The following PLSCR2 variants were observed in gnomAD, a reference collection of about 807,000 sequenced individuals.
PLSCR2 encodes PL scramblase 2.
PLSCR2 carries 18 observed loss-of-function variants against 25.3 expected under a neutral mutation model. The observed-to-expected ratio is 0.71, with a 90% CI of 0.49 to 1.06. PLSCR2 has a LOEUF of 1.06. Among genes scored for constraint, PLSCR2 ranks in the 50% least tolerant of loss-of-function variants. The probability of loss-of-function intolerance (pLI) is 0.00; values close to 1 mark genes in which losing one functional copy is unlikely to be tolerated. For synonymous variants in PLSCR2, 88 were observed against 87.3 expected (o/e 1.01, Z -0.04); for missense variants, 243 against 269.5 (o/e 0.90, Z 0.69).
chr3:146,408,421 C>T (rs751932253), intron 2 of PLSCR2, among the ~76,000 whole-genome samples: 28 of 152,296 alleles, frequency 1.8e-4, no homozygotes, highest in Non-Finnish European at 3.5e-4. Flanking sequence ...CGGGCCATTT[C>T]ATCCTGCACC....
intron 3 of PLSCR2, among the ~76,000 whole-genome samples, chr3:146,457,677 T>G (rs1321325154): frequency 6.6e-6 from 1 of 152,228 alleles, no homozygotes; most frequent in Admixed American, 6.5e-5. Flanking sequence ...GGAAATGTAC[T>G]AAGGTAACTA....
chr3:146,445,964 T>C (rs1016168432), intron 6 of PLSCR2, among the ~76,000 whole-genome samples: 1 of 152,220 alleles, frequency 6.6e-6, no homozygotes, highest in Non-Finnish European at 1.5e-5. Context: ...ATCAATTGCA[T>C]TATTCAACTC....
intron 1 of PLSCR2, among the ~76,000 whole-genome samples, chr3:146,490,469 G>A (rs1210540405): frequency 1.3e-5 from 2 of 152,034 alleles, no homozygotes; most frequent in Admixed American, 1.3e-4. Flanking sequence ...CCCTATTATT[G>A]TGATTATCTA....
At chr3:146,462,127 G>A (rs2108431309), upstream of PLSCR2, among the ~76,000 whole-genome samples, 1 of 151,918 alleles carries the variant, frequency 6.6e-6, no homozygotes, top group Non-Finnish European at 1.5e-5. Flanking sequence ...ACAACTGTTG[G>A]AACAAGATAT....
intron 2 of PLSCR2, chr3:146,415,010 C>T (rs1208539177): frequency 6.6e-6 from 1 of 152,562 alleles, no homozygotes; most frequent in Non-Finnish European, 1.5e-5. Flanking sequence ...TTCAGGTTTG[C>T]AAGGTTTAGC....
intron 1 of PLSCR2, among the ~76,000 whole-genome samples, chr3:146,479,318 A>G (rs2043045647): frequency 6.6e-6 from 1 of 152,196 alleles, no homozygotes; most frequent in African/African-American, 2.4e-5. Context: ...AAGAGTCAAG[A>G]CCCATCAGTG....
chr3:146,462,282 A>T (rs1298727378), upstream of PLSCR2, among the ~76,000 whole-genome samples: 1 of 151,778 alleles, frequency 6.6e-6, no homozygotes, highest in Non-Finnish European at 1.5e-5. Context: ...TATGGAGACA[A>T]GGTCTCATTA....
At chr3:146,454,719 C>G (rs2041096653) in intron 4 of PLSCR2, among the ~76,000 whole-genome samples, 1 of 152,034 alleles carries the variant, frequency 6.6e-6, no homozygotes, top group South Asian at 2.1e-4. Flanking sequence ...TTAGGATATC[C>G]CTTTTGCAGA....
chr3:146,448,583 A>T (rs920021467), intron 6 of PLSCR2, among the ~76,000 whole-genome samples: 2 of 152,020 alleles, frequency 1.3e-5, no homozygotes, highest in African/African-American at 2.4e-5. Flanking sequence ...GTTTCCATAA[A>T]CCTCAACTTT....
intron 2 of PLSCR2, chr3:146,415,084 A>G (rs756984727): frequency 6.6e-6 from 1 of 152,670 alleles, no homozygotes; most frequent in Non-Finnish European, 1.5e-5. Context: ...AAAACAAGTT[A>G]TATCTTAAAG....
At chr3:146,393,633 A>ACTT (rs778391862) in intron 3 of PLSCR2, among the ~76,000 whole-genome samples, 1 of 151,638 alleles carries the variant, frequency 6.6e-6, no homozygotes, top group East Asian at 2.0e-4. Flanking sequence ...ACATGGTGAA[A>ACTT]CTTCTTCTCT....
chr3:146,409,905 C>T (rs2038789238), intron 2 of PLSCR2, among the ~76,000 whole-genome samples: 1 of 152,136 alleles, frequency 6.6e-6, no homozygotes, highest in Non-Finnish European at 1.5e-5. Context: ...AGAAAAACTA[C>T]AACAGCTAAT....
intron 3 of PLSCR2, among the ~76,000 whole-genome samples, chr3:146,393,025 TC>T (rs1479206234): frequency 4.4e-5 from 6 of 136,814 alleles, no homozygotes; most frequent in African/African-American, 1.1e-4. Flanking sequence ...TTATTTACAT[TC>T]CTTTTTTTTT....
chr3:146,482,617 C>T (rs905533661), intron 1 of PLSCR2, among the ~76,000 whole-genome samples: 4 of 152,188 alleles, frequency 2.6e-5, no homozygotes, highest in South Asian at 2.1e-4. Flanking sequence ...AACACTTTTA[C>T]ACTGTTGGTG....
chr3:146,416,591 C>T (rs1158406583), intron 2 of PLSCR2: 1 of 152,138 alleles, frequency 6.6e-6, no homozygotes, highest in African/African-American at 2.4e-5. Flanking sequence ...TAGCCATAAA[C>T]TGGATTATGT....
At chr3:146,426,454 G>T (rs1559984050) in intron 2 of PLSCR2, among the ~76,000 whole-genome samples, 1 of 152,034 alleles carries the variant, frequency 6.6e-6, no homozygotes, top group African/African-American at 2.4e-5. Flanking sequence ...ATCTTCACTT[G>T]CCCAAATTAC....
chr3:146,400,175 C>T (rs2038416116), intron 2 of PLSCR2, among the ~76,000 whole-genome samples: 1 of 151,398 alleles, frequency 6.6e-6, no homozygotes, highest in Non-Finnish European at 1.5e-5. Flanking sequence ...AAAAAGCATA[C>T]AGATGACAAA....
intron 1 of PLSCR2, among the ~76,000 whole-genome samples, chr3:146,482,969 A>T (rs2043182257): frequency 6.6e-6 from 1 of 152,038 alleles, no homozygotes; most frequent in Admixed American, 6.6e-5. Flanking sequence ...GAAAACTATC[A>T]CAAGAACAGA....
chr3:146,483,925 C>T (rs910258509), intron 1 of PLSCR2, among the ~76,000 whole-genome samples: 3 of 151,750 alleles, frequency 2.0e-5, no homozygotes, highest in African/African-American at 7.3e-5. Context: ...GCACAGAACT[C>T]GGTGAAGGCT....
Sources: allele counts gnomAD v4.1 joint callset (sites outside exome capture counted in the v4.1 genomes callset), GRCh38; gene constraint gnomAD v4.1.1; transcripts MANE v1.5; gene names NCBI Gene and HGNC (gene_info 2026-07-23, HGNC 2026-07-21).